Variants in DZIP3 observed in about 807,000 individuals in gnomAD.
DZIP3 encodes DAZ interacting zinc finger protein 3, also known as E3 ubiquitin-protein ligase DZIP3.
A neutral mutation model predicts 162.0 loss-of-function variants in DZIP3; 118 were observed. The observed-to-expected ratio is 0.73, with a 90% CI of 0.63 to 0.85. The LOEUF is 0.85. DZIP3 is among the 40% of genes least tolerant of loss of function. DZIP3 has a pLI of 0.00. For synonymous variants in DZIP3, 438 were observed against 458.6 expected, an observed-to-expected ratio of 0.96 and a Z score of 0.57; for missense variants, 1,331 against 1,407.0, an observed-to-expected ratio of 0.95 and a Z score of 0.86.
chr3:108,623,668 C>T (rs999818209), intron 5 of DZIP3, among the ~76,000 whole-genome samples: 1 of 152,190 alleles, frequency 6.6e-6, no homozygotes, highest in East Asian at 1.9e-4. Flanking sequence ...GTTGTATACA[C>T]CACAAATCCA....
At position 108,616,658 on chromosome 3, in the gene DZIP3, G is replaced by T; in HGVS notation, c.375+1G>T. 6.4e-7 allele frequency: 1 copy of T among 1,564,172 alleles called. No homozygotes were observed. Among genetic ancestry groups the T allele is most frequent in the Non-Finnish European group, 8.7e-7 (1 of 1,155,126 alleles). On this transcript the variant is annotated splice_donor_variant, in intron 5 of 32. Coordinates refer to ENST00000361582, the MANE Select transcript of DZIP3 (RefSeq NM_014648.4). LOFTEE classifies it high-confidence loss of function. ...GAACATTCAAGCTGGCAATTATACC[G>T]TAAGTGTTTTCTTTTTGGAAATTTG... is the stretch of plus-strand genomic sequence containing the variant.
At chr3:108,640,320 T>C (rs1576401084) in intron 12 of DZIP3, among the ~76,000 whole-genome samples, 1 of 74,208 alleles carries the variant, frequency 1.3e-5, no homozygotes, top group African/African-American at 7.6e-5. Flanking sequence ...ATACTATTCA[T>C]TTTTTTTTTG....
intron 21 of DZIP3, among the ~76,000 whole-genome samples, chr3:108,663,556 CA>C (rs200932139): frequency 1.8e-3 from 189 of 104,606 alleles, no homozygotes; most frequent in Admixed American, 1.8e-3. Flanking sequence ...AAGTCTGTCT[CA>C]AAAAAAAAAA....
At chr3:108,684,834 A>G (rs1359900918) in intron 27 of DZIP3, among the ~76,000 whole-genome samples, 1 of 152,204 alleles carries the variant, frequency 6.6e-6, no homozygotes, top group Non-Finnish European at 1.5e-5. Flanking sequence ...GTAAAGTTAT[A>G]AATCTTCCCA....
chr3:108,642,477 T>TA lies in DZIP3; in HGVS notation c.1105dup (p.Ile369AsnfsTer10), dbSNP rs1225331019. 1 of 1,486,678 alleles carries TA rather than the reference T, an allele frequency of 6.7e-7. No homozygotes were observed. The allele number at this position is 1,486,678 out of a possible 1,614,324, so 92.1% of individuals were successfully genotyped here. A position where few individuals can be genotyped will look rare whatever the true frequency, so the allele number is the denominator to read the frequency against. ...TATCTCTGAAAATAACTGATACTGA[T>TA]ATAAGACCGAAGATCAGTTTAAAAT... On this transcript the variant is annotated frameshift_variant, in exon 13 of 33. Coordinates refer to ENST00000361582, the MANE Select transcript of DZIP3 (RefSeq NM_014648.4). LOFTEE classifies it high-confidence loss of function.
At position 108,653,507 on chromosome 3, in the gene DZIP3, GTATATATATATATATATATATA is replaced by G. The variant is rs57047978; in HGVS notation, c.2034-624_2034-603del. Among the ~76,000 whole-genome samples, 19 of 104,602 alleles carry G rather than the reference GTATATATATATATATATATATA, an allele frequency of 1.8e-4. 1 individual carries two copies. The highest frequency in any genetic ancestry group is 3.4e-4 in the Non-Finnish European group (17 of 49,770). 68.6% of individuals were successfully genotyped at this position (104,602 alleles called of 152,430 possible). A position where few individuals can be genotyped will look rare whatever the true frequency, so the allele number is the denominator to read the frequency against. On this transcript the variant is annotated intron_variant, in intron 18 of 32. Transcript: ENST00000361582. ...TGGTTAATTGCCATTGTGTGTGTGTGTATATATATATATATATATATATATATATATATATGTAGTATTTTCA... is the reference window on the plus strand; with the variant it reads ...TGGTTAATTGCCATTGTGTGTGTGTGTATATATATATATGTAGTATTTTCA...
intron 17 of DZIP3, among the ~76,000 whole-genome samples, chr3:108,649,205 G>T (rs1942761313): frequency 6.6e-6 from 1 of 151,738 alleles, no homozygotes; most frequent in Non-Finnish European, 1.5e-5. Context: ...TATAAATATA[G>T]ACTGAATTAG....
At chr3:108,623,564 G>A (rs1941464569) in intron 5 of DZIP3, among the ~76,000 whole-genome samples, 2 of 152,182 alleles carry the variant, frequency 1.3e-5, no homozygotes, top group African/African-American at 4.8e-5. Flanking sequence ...CAAGCAGAGG[G>A]AAGGTGTCTC....
intron 1 of DZIP3, among the ~76,000 whole-genome samples, chr3:108,601,990 C>A (rs897769531): frequency 6.6e-6 from 1 of 152,140 alleles, no homozygotes; most frequent in Non-Finnish European, 1.5e-5. Context: ...CCAGCTGTAG[C>A]ACCCAATTAA....
At chr3:108,688,223 A>G in intron 29 of DZIP3, 127 bp downstream of exon 29, 1 of 1,142,006 alleles carries the variant, frequency 8.8e-7, no homozygotes, top group Non-Finnish European at 1.2e-6. Context: ...ATCATCTATT[A>G]ACAGTAAATA....
chr3:108,616,123 G>A (rs1252385983), intron 4 of DZIP3, among the ~76,000 whole-genome samples: 2 of 152,112 alleles, frequency 1.3e-5, no homozygotes, highest in Non-Finnish European at 2.9e-5. Flanking sequence ...AATTAGCCAG[G>A]TGTGGTGGTG....
rs1942282846 is a variant in DZIP3 at position 108,639,199 on chromosome 3, G to C, written c.1064+1651G>C. ...TAACGTTTATTACACTTTCTTGGCT[G>C]TCTTCTCCATTTGAGTGTAACCTCC... On this transcript the variant is annotated intron_variant, in intron 12 of 32. Coordinates refer to ENST00000361582, the MANE Select transcript of DZIP3 (RefSeq NM_014648.4). Among the ~76,000 whole-genome samples the C allele has an allele frequency of 3.9e-5, 6 of 152,274 alleles. 1 individual carries two copies. In the South Asian group the frequency reaches 1.2e-3, roughly 32 times the overall value.
At chr3:108,689,081 C>T (rs1488087704) in intron 31 of DZIP3, among the ~76,000 whole-genome samples, 157 bp downstream of exon 31, 3 of 152,142 alleles carry the variant, frequency 2.0e-5, no homozygotes, top group African/African-American at 4.8e-5. Flanking sequence ...ATGCTTTTCC[C>T]ATACATAGCC....
At chr3:108,620,661 A>T (rs1430898848) in intron 5 of DZIP3, among the ~76,000 whole-genome samples, 2 of 152,096 alleles carry the variant, frequency 1.3e-5, no homozygotes, top group East Asian at 3.9e-4. Flanking sequence ...AATCTATCTC[A>T]TCTCAGTAAT....
At chr3:108,635,653 ATAT>A (rs1029750363) in intron 10 of DZIP3, among the ~76,000 whole-genome samples, 5 of 147,180 alleles carry the variant, frequency 3.4e-5, no homozygotes, top group African/African-American at 7.4e-5. Context: ...ATATATTATA[ATAT>A]TATAAATATT....
intron 19 of DZIP3, among the ~76,000 whole-genome samples, chr3:108,656,178 G>A (rs994462748): frequency 1.3e-5 from 2 of 152,196 alleles, no homozygotes; most frequent in Non-Finnish European, 1.5e-5. Context: ...TGAGATCTGA[G>A]AACGGACAGC....
intron 26 of DZIP3, among the ~76,000 whole-genome samples, chr3:108,683,943 G>A (rs1226609901): frequency 6.6e-6 from 1 of 152,116 alleles, no homozygotes; most frequent in Non-Finnish European, 1.5e-5. Context: ...GGTTTCCAAG[G>A]TTATTCAGCT....
At chr3:108,630,430 T>C (rs1413424724) in intron 8 of DZIP3, among the ~76,000 whole-genome samples, 1 of 152,100 alleles carries the variant, frequency 6.6e-6, no homozygotes, top group African/African-American at 2.4e-5. Flanking sequence ...ATATACCTAG[T>C]AATATAGCTT....
At chr3:108,631,055 A>ACACACATACACACTCTCTCTCTCT in intron 8 of DZIP3, among the ~76,000 whole-genome samples, 2 of 18,016 alleles carry the variant, frequency 1.1e-4, no homozygotes, top group African/African-American at 5.6e-4. Flanking sequence ...ACACACACAC[A>ACACACATACACACTCTCTCTCTCT]CTCTCTCTCT....
Sources: allele counts gnomAD v4.1 joint callset (sites outside exome capture counted in the v4.1 genomes callset), GRCh38; gene constraint gnomAD v4.1.1; transcripts MANE v1.5; gene names NCBI Gene and HGNC (gene_info 2026-07-23, HGNC 2026-07-21).